The following DLG2 variants were observed in gnomAD, a reference collection of about 807,000 sequenced individuals.
The protein encoded by DLG2 is disks large homolog 2.
DLG2 carries 45 observed loss-of-function variants against 132.5 expected under a neutral mutation model. The observed-to-expected ratio is 0.34, with a 90% CI of 0.27 to 0.44. The LOEUF is 0.44. Ranked by LOEUF, DLG2 falls within the 20% of genes least tolerant of loss-of-function variation. The pLI is 1.00. For synonymous variants in DLG2, 424 were observed against 419.6 expected (o/e 1.01, Z -0.13); for missense variants, 1,045 against 1,196.9 (o/e 0.87, Z 1.87).
intron 6 of DLG2, among the ~76,000 whole-genome samples, chr11:84,969,926 C>A (rs932591401): frequency 3.3e-5 from 5 of 152,076 alleles, no homozygotes; most frequent in Admixed American, 3.3e-4. Flanking sequence ...AACAGAAAAC[C>A]AAACACCGCA....
At chr11:85,067,189 T>C (rs1458546239) in intron 6 of DLG2, among the ~76,000 whole-genome samples, 1 of 151,910 alleles carries the variant, frequency 6.6e-6, no homozygotes, top group African/African-American at 2.4e-5. Flanking sequence ...TCAGTGGTGA[T>C]ATTCCCTTTA....
intron 7 of DLG2, among the ~76,000 whole-genome samples, chr11:84,274,826 A>C (rs1314331938): frequency 3.3e-5 from 5 of 152,186 alleles, no homozygotes; most frequent in Non-Finnish European, 7.3e-5. Flanking sequence ...ATATCAATTC[A>C]ACCAACCTTC....
chr11:83,828,405 C>G (rs912201931), intron 17 of DLG2, among the ~76,000 whole-genome samples: 4 of 152,156 alleles, frequency 2.6e-5, no homozygotes, highest in African/African-American at 9.7e-5. Flanking sequence ...ATAATAATAA[C>G]AAATCTACTC....
At chr11:84,232,507 C>A (rs1598006334) in intron 8 of DLG2, among the ~76,000 whole-genome samples, 1 of 152,180 alleles carries the variant, frequency 6.6e-6, no homozygotes, top group Non-Finnish European at 1.5e-5. Flanking sequence ...TACTGAAATC[C>A]TAATTCCCAA....
At position 83,581,948 on chromosome 11, in the gene DLG2, CTTTTTTTTTT is replaced by C. The variant is rs71849863; in HGVS notation, c.1941-40100_1941-40091del. Among the ~76,000 whole-genome samples, 121 of 52,654 alleles carry C rather than the reference CTTTTTTTTTT, an allele frequency of 2.3e-3. No homozygotes were observed. In the Middle Eastern group the frequency reaches 0.062, roughly 27 times the overall value. 34.5% of individuals were successfully genotyped at this position (52,654 alleles called of 152,430 possible). A position where few individuals can be genotyped will look rare whatever the true frequency, so the allele number is the denominator to read the frequency against. On this transcript the variant is annotated intron_variant, in intron 19 of 27. Coordinates refer to ENST00000376104, the MANE Select transcript of DLG2 (RefSeq NM_001142699.3). ...GAATTTAGAATTCTGAGTTTGGACTCTTTTTTTTTTTTTTTTTTTTTTTTTGAGATGGAGT... is the reference window on the plus strand; with the variant it reads ...GAATTTAGAATTCTGAGTTTGGACTCTTTTTTTTTTTTTTTGAGATGGAGT...
rs145765683 is a variant in DLG2 at position 85,536,629 on chromosome 11, G to A, written c.40+62028C>T. Among the ~76,000 whole-genome samples, 1,069 of 152,340 alleles carry A rather than the reference G, an allele frequency of 7.0e-3. 8 individuals are homozygous for A. The highest frequency in any genetic ancestry group is 0.012 in the Non-Finnish European group (789 of 68,034). On this transcript the variant is annotated intron_variant, in intron 3 of 27. Coordinates refer to ENST00000376104, the MANE Select transcript of DLG2 (RefSeq NM_001142699.3). Reference sequence around the variant, plus strand: ...CACAGGGAAGTGTGAAGAGAGAGGCGCAGGCAGGAGCTGGGGCTGCGTGCG... The same window carrying A: ...CACAGGGAAGTGTGAAGAGAGAGGCACAGGCAGGAGCTGGGGCTGCGTGCG...
chr11:85,412,760 C>CATATATATATATATATATATATATAT (rs200280952), intron 3 of DLG2, among the ~76,000 whole-genome samples: 1 of 113,278 alleles, frequency 8.8e-6, no homozygotes. Flanking sequence ...CACACACACA[C>CATATATATATATATATATATATATAT]ATATATATAT....
chr11:84,106,348 A>C (rs2092912988), intron 9 of DLG2, among the ~76,000 whole-genome samples: 1 of 152,184 alleles, frequency 6.6e-6, no homozygotes, highest in South Asian at 2.1e-4. Context: ...TCATGTTACG[A>C]TATCTAAAGA....
Position 83,499,979 on chromosome 11 carries a change from C to A in DLG2, c.2194-15751G>T, listed in dbSNP as rs142857097. 9.4e-4 allele frequency among the ~76,000 whole-genome samples: 140 copies of A among 148,426 alleles called. 2 individuals carry two copies. Among genetic ancestry groups the A allele is most frequent in the African/African-American group, 3.4e-3 (139 of 40,422 alleles). On this transcript the variant is annotated intron_variant, in intron 21 of 27. Coordinates refer to ENST00000376104, the MANE Select transcript of DLG2 (RefSeq NM_001142699.3). The stretch of plus-strand genomic sequence containing the variant: ...ATTCCTTTTGCTGGTAAAATAACCT[C>A]CCTATCTTGCTCCCTATTCTACTTG...
chr11:85,054,053 T>C (rs2063191151), intron 6 of DLG2, among the ~76,000 whole-genome samples: 1 of 151,418 alleles, frequency 6.6e-6, no homozygotes, highest in Non-Finnish European at 1.5e-5. Context: ...GATCACAACG[T>C]CAGGAGATCG....
intron 6 of DLG2, among the ~76,000 whole-genome samples, chr11:84,566,484 G>T (rs947375190): frequency 1.3e-5 from 2 of 152,190 alleles, no homozygotes; most frequent in Non-Finnish European, 2.9e-5. Context: ...TCTCTCATCT[G>T]TCTACCTGGT....
chr11:84,198,070 AC>A (rs924200456), intron 8 of DLG2, among the ~76,000 whole-genome samples: 1 of 152,162 alleles, frequency 6.6e-6, no homozygotes, highest in African/African-American at 2.4e-5. Context: ...GGGTTTGTGT[AC>A]CTTCTTGGAC....
In DLG2 at chr11:85,484,730, A is replaced by G. The variant is rs943105929; in HGVS notation, c.40+113927T>C. On this transcript the variant is annotated intron_variant, in intron 3 of 27. Coordinates refer to ENST00000376104, the MANE Select transcript of DLG2 (RefSeq NM_001142699.3). ...GGTGCTGGAGAGGATGTGGAGAAAT[A>G]GGAACACTTTTACACTGTTGGTGGG... Among the ~76,000 whole-genome samples the G allele has an allele frequency of 5.3e-5, 8 of 151,114 alleles. No individual in the cohort carries two copies. The East Asian group carries it at 1.2e-3, about 22-fold the overall frequency.
chr11:83,706,461 A>G (rs540644586), intron 18 of DLG2, among the ~76,000 whole-genome samples: 50 of 152,182 alleles, frequency 3.3e-4, no homozygotes, highest in Admixed American at 2.6e-3. Flanking sequence ...CCCAACTCCT[A>G]TGATTCTCAC....
At chr11:84,610,404 T>A (rs756407605) in intron 6 of DLG2, among the ~76,000 whole-genome samples, 1 of 152,038 alleles carries the variant, frequency 6.6e-6, no homozygotes, top group African/African-American at 2.4e-5. Flanking sequence ...TAAAGAAAAA[T>A]TTTTTAAAAA....
intron 6 of DLG2, among the ~76,000 whole-genome samples, chr11:85,099,372 C>T (rs1184375670): frequency 6.6e-6 from 1 of 152,164 alleles, no homozygotes; most frequent in Non-Finnish European, 1.5e-5. Context: ...GCAAGCAAGT[C>T]ATTGACAAGA....
At chr11:85,343,337 T>A (rs2082623433) in intron 3 of DLG2, among the ~76,000 whole-genome samples, 1 of 152,174 alleles carries the variant, frequency 6.6e-6, no homozygotes, top group African/African-American at 2.4e-5. Flanking sequence ...AGAGTGACAC[T>A]GAGCTTGTGC....
At chr11:85,499,532 A>G (rs1298079328) in intron 3 of DLG2, among the ~76,000 whole-genome samples, 3 of 152,256 alleles carry the variant, frequency 2.0e-5, no homozygotes, top group African/African-American at 7.2e-5. Flanking sequence ...AGGAACTGGT[A>G]CCATTCCTTC....
At chr11:85,509,146 C>A (rs984019516) in intron 3 of DLG2, among the ~76,000 whole-genome samples, 6 of 151,986 alleles carry the variant, frequency 3.9e-5, no homozygotes, top group Admixed American at 6.6e-5. Context: ...TTAGGACTTA[C>A]AGAAGTAAAT....
Sources: allele counts gnomAD v4.1 joint callset (sites outside exome capture counted in the v4.1 genomes callset), GRCh38; gene constraint gnomAD v4.1.1; transcripts MANE v1.5; gene names NCBI Gene and HGNC (gene_info 2026-07-23, HGNC 2026-07-21).